Variants in ARHGAP15 observed in about 807,000 individuals in gnomAD.
ARHGAP15 encodes the protein rho GTPase-activating protein 15.
ARHGAP15 carries 51 observed loss-of-function variants against 63.7 expected under a neutral mutation model. That is an observed-to-expected ratio of 0.80 (90% CI 0.64 to 1.01). The LOEUF (loss-of-function observed/expected upper bound fraction) is 1.01, where lower values mean the gene tolerates loss of function less well. Among genes scored for constraint, ARHGAP15 ranks in the 50% least tolerant of loss-of-function variants. ARHGAP15 has a pLI of 0.00. For synonymous variants in ARHGAP15, 191 were observed against 193.8 expected, an observed-to-expected ratio of 0.99 and a Z score of 0.12; for missense variants, 560 against 564.6, an observed-to-expected ratio of 0.99 and a Z score of 0.08.
chr2:143,756,131 C>T (rs772570814), intron 13 of ARHGAP15, among the ~76,000 whole-genome samples: 2 of 151,952 alleles, frequency 1.3e-5, no homozygotes, highest in Non-Finnish European at 2.9e-5. Flanking sequence ...ATGTAGGCGC[C>T]CTCAATGAAA....
At chr2:143,323,902 A>C (rs2105232681) in intron 6 of ARHGAP15, among the ~76,000 whole-genome samples, 1 of 137,630 alleles carries the variant, frequency 7.3e-6, no homozygotes, top group Admixed American at 1.0e-4. Context: ...CTCAAAAAAA[A>C]AAAAAAAAAA....
At chr2:143,345,144 T>C (rs1044188657) in intron 6 of ARHGAP15, among the ~76,000 whole-genome samples, 2 of 152,140 alleles carry the variant, frequency 1.3e-5, no homozygotes, top group African/African-American at 4.8e-5. Flanking sequence ...GCAAGTGGAT[T>C]TATTTTCAAT....
chr2:143,681,287 A>G (rs1683089189), intron 12 of ARHGAP15, among the ~76,000 whole-genome samples: 1 of 152,178 alleles, frequency 6.6e-6, no homozygotes, highest in Non-Finnish European at 1.5e-5. Flanking sequence ...ACTATGCTTT[A>G]GTGACCTCTG....
chr2:143,232,004 T>C (rs561290670), intron 5 of ARHGAP15, among the ~76,000 whole-genome samples: 100 of 152,310 alleles, frequency 6.6e-4, no homozygotes, highest in African/African-American at 2.3e-3. Context: ...GGTTTCAACA[T>C]AGGAATTTTA....
intron 11 of ARHGAP15, among the ~76,000 whole-genome samples, chr2:143,603,803 G>A (rs947869318): frequency 1.3e-5 from 2 of 152,012 alleles, no homozygotes; most frequent in Admixed American, 6.6e-5. Flanking sequence ...TGTTCTCAGT[G>A]GAAAAGTAGT....
intron 6 of ARHGAP15, among the ~76,000 whole-genome samples, chr2:143,396,616 T>A (rs1574388416): frequency 4.3e-5 from 1 of 23,118 alleles, no homozygotes; most frequent in Admixed American, 7.2e-4. Flanking sequence ...GGGATTTAAG[T>A]TTTTTTTTTT....
intron 6 of ARHGAP15, among the ~76,000 whole-genome samples, chr2:143,273,249 G>A (rs1028798900): frequency 6.6e-6 from 1 of 151,640 alleles, no homozygotes; most frequent in African/African-American, 2.4e-5. Flanking sequence ...AAATTGGGTG[G>A]GAATACTTTC....
chr2:143,215,051 A>G (rs532464880), intron 3 of ARHGAP15, among the ~76,000 whole-genome samples: 7 of 152,228 alleles, frequency 4.6e-5, no homozygotes, highest in Non-Finnish European at 7.3e-5. Context: ...CTAGGAATCC[A>G]GGTGTGAAAG....
chr2:143,353,318 A>G (rs1202027436), intron 6 of ARHGAP15, among the ~76,000 whole-genome samples: 1 of 152,172 alleles, frequency 6.6e-6, no homozygotes, highest in Non-Finnish European at 1.5e-5. Flanking sequence ...AAAGATTGAC[A>G]TTGAATGTAA....
intron 2 of ARHGAP15, among the ~76,000 whole-genome samples, chr2:143,166,603 C>A (rs1328062847): frequency 6.6e-6 from 1 of 152,100 alleles, no homozygotes; most frequent in African/African-American, 2.4e-5. Context: ...ACCACCTCTT[C>A]AAACTAGTAT....
At chr2:143,548,049 A>G (rs1257138688) in intron 10 of ARHGAP15, among the ~76,000 whole-genome samples, 3 of 152,106 alleles carry the variant, frequency 2.0e-5, no homozygotes, top group East Asian at 3.9e-4. Context: ...TCCTCACCCA[A>G]TTTTGATGCT....
intron 4 of ARHGAP15, among the ~76,000 whole-genome samples, chr2:143,217,824 G>A (rs1222490386): frequency 3.3e-5 from 5 of 152,166 alleles, no homozygotes; most frequent in African/African-American, 1.2e-4. Flanking sequence ...ATCTAAGTTA[G>A]CCAGTTCAGC....
chr2:143,394,940 T>G (rs1160237324), intron 6 of ARHGAP15, among the ~76,000 whole-genome samples: 1 of 152,052 alleles, frequency 6.6e-6, no homozygotes, highest in African/African-American at 2.4e-5. Context: ...AATTTGAAAG[T>G]GGTCGAAATT....
At chr2:143,177,084 A>G (rs1033530601) in intron 2 of ARHGAP15, among the ~76,000 whole-genome samples, 2 of 152,208 alleles carry the variant, frequency 1.3e-5, no homozygotes, top group African/African-American at 4.8e-5. Context: ...TATCTAAGGG[A>G]AAGGAACATA....
chr2:143,745,180 G>A (rs1474968288), intron 13 of ARHGAP15, among the ~76,000 whole-genome samples: 1 of 152,156 alleles, frequency 6.6e-6, no homozygotes, highest in Non-Finnish European at 1.5e-5. Flanking sequence ...AATACCTTTT[G>A]TTGCTTCCAT....
intron 6 of ARHGAP15, among the ~76,000 whole-genome samples, chr2:143,297,853 A>G (rs1225371365): frequency 1.3e-5 from 2 of 151,960 alleles, no homozygotes; most frequent in Non-Finnish European, 2.9e-5. Flanking sequence ...AATACAGAAA[A>G]AAGAAACCCA....
chr2:143,549,021 T>C (rs953432403), intron 10 of ARHGAP15, among the ~76,000 whole-genome samples: 2 of 152,100 alleles, frequency 1.3e-5, no homozygotes, highest in Non-Finnish European at 2.9e-5. Context: ...AAATGAGAGA[T>C]GTACTGAAAC....
intron 6 of ARHGAP15, among the ~76,000 whole-genome samples, chr2:143,365,807 C>T (rs778888263): frequency 8.5e-5 from 13 of 152,304 alleles, no homozygotes; most frequent in African/African-American, 2.2e-4. Context: ...ACAACCACAA[C>T]TATTTTTGCT....
intron 10 of ARHGAP15, among the ~76,000 whole-genome samples, chr2:143,545,375 G>C (rs868302172): frequency 6.6e-6 from 1 of 152,302 alleles, no homozygotes; most frequent in African/African-American, 2.4e-5. Flanking sequence ...GGTGAGCAGA[G>C]ATCTGCCAAA....
Sources: allele counts gnomAD v4.1 joint callset (sites outside exome capture counted in the v4.1 genomes callset), GRCh38; gene constraint gnomAD v4.1.1; transcripts MANE v1.5; gene names NCBI Gene and HGNC (gene_info 2026-07-23, HGNC 2026-07-21).